CHIC2: variants seen among roughly 807,000 people sequenced by gnomAD.
CHIC2 encodes cysteine rich hydrophobic domain 2, also known as cysteine-rich hydrophobic domain-containing protein 2.
CHIC2 carries 14 observed loss-of-function variants against 25.9 expected under a neutral mutation model. The ratio of observed to expected loss-of-function variants is 0.54; its 90% CI spans 0.36 to 0.85. The LOEUF is 0.85. Ranked by LOEUF, CHIC2 falls within the 40% of genes least tolerant of loss-of-function variation. The pLI, the probability that CHIC2 is intolerant of heterozygous loss-of-function variation, is 0.01. For synonymous variants in CHIC2, 70 were observed against 72.0 expected, an observed-to-expected ratio of 0.97 and a Z score of 0.14; for missense variants, 146 against 202.0, an observed-to-expected ratio of 0.72 and a Z score of 1.68.
chr4:54,091,633 C>T, the CHIC2 span, among the ~76,000 whole-genome samples: 1 of 152,194 alleles, frequency 6.6e-6, no homozygotes, highest in Non-Finnish European at 1.5e-5. Context: ...GAAATCACCA[C>T]TAAAGAACCT....
Position 54,009,954 on chromosome 4 carries a change from T to TAA in CHIC2, c.*139_*140dup, listed in dbSNP as rs34881525. On this transcript the variant is annotated 3_prime_UTR_variant, in exon 6 of 6. Transcript: ENST00000263921. ...TGCACACTTAGAACATGCGGTTATTTAAAAAAAAAACAAAAACAAAAACAA... is the reference window on the plus strand; with the variant it reads ...TGCACACTTAGAACATGCGGTTATTTAAAAAAAAAAAACAAAAACAAAAACAA... 4,633 of 395,036 alleles carry TAA rather than the reference T, an allele frequency of 0.012. 69 individuals carry two copies. The highest frequency in any genetic ancestry group is 0.054 in the African/African-American group (2,258 of 41,474). The allele number at this position is 395,036 out of a possible 1,614,324, so 24.5% of individuals were successfully genotyped here.
intron 3 of CHIC2, among the ~76,000 whole-genome samples, chr4:54,022,578 A>G (rs1459227483): frequency 6.6e-6 from 1 of 152,024 alleles, no homozygotes; most frequent in Non-Finnish European, 1.5e-5. Flanking sequence ...AAGACATTTT[A>G]ACTAAATTAT....
chr4:54,010,534 C>T (rs1049387831), intron 5 of CHIC2, among the ~76,000 whole-genome samples: 1 of 152,028 alleles, frequency 6.6e-6, no homozygotes, highest in African/African-American at 2.4e-5. Flanking sequence ...ACCAGGTGTT[C>T]CATACTACAT....
intron 3 of CHIC2, among the ~76,000 whole-genome samples, chr4:54,047,102 C>T (rs866892442): frequency 0.015 from 2,297 of 152,224 alleles, 65 homozygotes; most frequent in African/African-American, 0.049. Context: ...CAAAGAGATA[C>T]CATCTCACAC....
chr4:54,058,559 TACACACACACACACAC>T (rs36034143), intron 1 of CHIC2, among the ~76,000 whole-genome samples: 2 of 138,476 alleles, frequency 1.4e-5, no homozygotes, highest in South Asian at 2.4e-4. Context: ...TACACACACA[TACACACACACACACAC>T]ACACACACAC....
At chr4:54,051,651 C>G (rs35038398) in intron 1 of CHIC2, among the ~76,000 whole-genome samples, 2,361 of 152,188 alleles carry the variant, frequency 0.016, 26 homozygotes, top group Middle Eastern at 0.034. Flanking sequence ...TTTACCATCT[C>G]TCAATGGAGG....
At chr4:54,036,829 A>G (rs1560389197) in intron 3 of CHIC2, among the ~76,000 whole-genome samples, 1 of 150,870 alleles carries the variant, frequency 6.6e-6, no homozygotes, top group Non-Finnish European at 1.5e-5. Context: ...ACATACACTG[A>G]CATATGACCA....
chr4:54,024,735 T>A lies in CHIC2; in HGVS notation c.331-10616A>T, dbSNP rs191705287. Among the ~76,000 whole-genome samples, 6 of 152,318 alleles carry A rather than the reference T, an allele frequency of 3.9e-5. No individual in the cohort carries two copies. The East Asian group carries it at 1.2e-3, about 29-fold the overall frequency. On this transcript the variant is annotated intron_variant, in intron 3 of 5. Coordinates refer to ENST00000263921, the MANE Select transcript of CHIC2 (RefSeq NM_012110.4). ...AGCAAGTAATTATGCTGAACCCCCT[T>A]AGGCACTCTCTAATTGGATGTCCTG...
In CHIC2 at chr4:54,064,124, G is replaced by A; in HGVS notation, c.119+58C>T. On this transcript the variant is annotated intron_variant, in intron 1 of 5. Coordinates refer to ENST00000263921, the MANE Select transcript of CHIC2 (RefSeq NM_012110.4). The surrounding 1 kb of genome is among the most constrained non-coding windows in gnomAD (Gnocchi z 4.2). ...ACACAGGGGAAACGGGGCTCCCGTG[G>A]AGTAACGGGGCCCACCCCAGCCCGC... is the stretch of plus-strand genomic sequence containing the variant. 6.9e-7 allele frequency: 1 copy of A among 1,457,490 alleles called. No individual in the cohort carries two copies. Among genetic ancestry groups the A allele is most frequent in the Non-Finnish European group, 9.4e-7 (1 of 1,058,662 alleles). 90.3% of individuals were successfully genotyped at this position (1,457,490 alleles called of 1,614,324 possible).
At chr4:54,059,456 C>G (rs1000049899) in intron 1 of CHIC2, 23 of 151,940 alleles carry the variant, frequency 1.5e-4, no homozygotes, top group African/African-American at 5.3e-4. Context: ...AAAGGAGGAT[C>G]ACTAGAGCCA....
At position 54,064,169 on chromosome 4, in the gene CHIC2, C is replaced by T; in HGVS notation, c.119+13G>A. 6.3e-7 allele frequency: 1 copy of T among 1,595,570 alleles called. No homozygotes were observed. The highest frequency in any genetic ancestry group is 8.5e-7 in the Non-Finnish European group (1 of 1,170,994). Reference sequence around the variant, plus strand: ...GCCCGCACCTCCCGCCCTCGCCCTCCTCCGGGCCTTACACGGTGACGTGAC... The same window carrying T: ...GCCCGCACCTCCCGCCCTCGCCCTCTTCCGGGCCTTACACGGTGACGTGAC... On this transcript the variant is annotated intron_variant, in intron 1 of 5. Coordinates refer to ENST00000263921, the MANE Select transcript of CHIC2 (RefSeq NM_012110.4). The surrounding 1 kb of genome is among the most constrained non-coding windows in gnomAD (Gnocchi z 4.2).
chr4:54,086,909 G>A, the CHIC2 span: 2 of 619,358 alleles, frequency 3.2e-6, no homozygotes, highest in African/African-American at 1.9e-5. Flanking sequence ...ATTGTTGGTT[G>A]GAATAAAAAG....
chr4:54,056,961 T>C (rs1717196255), intron 1 of CHIC2, among the ~76,000 whole-genome samples: 1 of 152,182 alleles, frequency 6.6e-6, no homozygotes, highest in South Asian at 2.1e-4. Context: ...TGTGCTATTC[T>C]CTTGGCATAC....
chr4:54,062,384 CCTCA>C (rs1316495185), intron 1 of CHIC2, among the ~76,000 whole-genome samples: 1 of 151,432 alleles, frequency 6.6e-6, no homozygotes, highest in Non-Finnish European at 1.5e-5. Context: ...CTCCTAGGAC[CCTCA>C]CTTAGTATTT....
At chr4:54,085,360 G>A in the CHIC2 span, among the ~76,000 whole-genome samples, 10 of 152,136 alleles carry the variant, frequency 6.6e-5, no homozygotes, top group African/African-American at 2.2e-4. Flanking sequence ...TTATTACGAA[G>A]TATCTGTGGA....
At chr4:54,023,609 A>G (rs1299958113) in intron 3 of CHIC2, among the ~76,000 whole-genome samples, 1 of 151,936 alleles carries the variant, frequency 6.6e-6, no homozygotes, top group Non-Finnish European at 1.5e-5. Flanking sequence ...CCCCATCCTG[A>G]TCACACTCAG....
chr4:54,082,463 A>T, the CHIC2 span, among the ~76,000 whole-genome samples: 2 of 152,234 alleles, frequency 1.3e-5, no homozygotes, highest in African/African-American at 4.8e-5. Context: ...GTCTACATGG[A>T]AAAGAAAGTC....
intron 3 of CHIC2, among the ~76,000 whole-genome samples, chr4:54,030,561 C>CACACACACACAT (rs1553885014): frequency 6.1e-4 from 88 of 144,556 alleles, no homozygotes; most frequent in African/African-American, 1.2e-3. Flanking sequence ...TGTATACACA[C>CACACACACACAT]ACACACACAC....
chr4:54,075,196 G>C, the CHIC2 span, among the ~76,000 whole-genome samples: 1 of 152,172 alleles, frequency 6.6e-6, no homozygotes, highest in East Asian at 1.9e-4. Context: ...CTTGCTCTCA[G>C]TGACATTAAG....
Sources: allele counts gnomAD v4.1 joint callset (sites outside exome capture counted in the v4.1 genomes callset), GRCh38; gene constraint gnomAD v4.1.1; non-coding constraint Gnocchi (gnomAD v3.1); transcripts MANE v1.5; gene names NCBI Gene and HGNC (gene_info 2026-07-23, HGNC 2026-07-21).